CCDC74A: variants seen among roughly 807,000 people sequenced by gnomAD.
The protein encoded by CCDC74A is coiled-coil domain-containing protein 74A.
Under a neutral mutation model 37.6 loss-of-function variants are expected in CCDC74A, and 38 were observed. The observed-to-expected ratio is 1.01, with a 90% confidence interval of 0.78 to 1.33. The LOEUF is 1.33. CCDC74A is among the 40% of genes most tolerant of loss of function. CCDC74A has a pLI of 0.00. For missense variants in CCDC74A, 340 were observed against 403.4 expected, an observed-to-expected ratio of 0.84 and a Z score of 1.35; for synonymous variants, 134 against 165.2, an observed-to-expected ratio of 0.81 and a Z score of 1.45.
At chr2:131,527,271 A>G (rs190673281), upstream of CCDC74A, among the ~76,000 whole-genome samples, 166 of 150,714 alleles carry the variant, frequency 1.1e-3, no homozygotes, top group Admixed American at 4.4e-3. Flanking sequence ...CACCGCGCCC[A>G]GCCTCTTATT....
chr2:131,522,862 G>T (rs1680169225), upstream of CCDC74A, among the ~76,000 whole-genome samples: 1 of 152,124 alleles, frequency 6.6e-6, no homozygotes, highest in Non-Finnish European at 1.5e-5. Flanking sequence ...ATCCCCTAAA[G>T]GCCAGCTCTC....
chr2:131,530,708 C>G, intron 2 of CCDC74A, 69 bp from the exon 3 acceptor site: 2 of 1,613,348 alleles, frequency 1.2e-6, no homozygotes, highest in South Asian at 1.1e-5. Flanking sequence ...TCCTCACGGA[C>G]ACACAGGCCA....
chr2:131,532,244 T>A lies in CCDC74A; in HGVS notation c.486-345T>A, dbSNP rs1180125485. 2.4e-5 allele frequency among the ~76,000 whole-genome samples: 3 copies of A among 125,238 alleles called. No individual in the cohort carries two copies. The East Asian group carries it at 6.3e-4, about 26-fold the overall frequency. The allele number at this position is 125,238 out of a possible 152,430, so 82.2% of individuals were successfully genotyped here. On this transcript the variant is annotated intron_variant, in intron 4 of 7. Coordinates refer to ENST00000409856, the MANE Select transcript of CCDC74A (RefSeq NM_001258306.3). ...CTGAGATGCTACAGAGTGCACACTTTCAGCAGCGCAACCAGCAGGACAGGC... is the reference window on the plus strand; with the variant it reads ...CTGAGATGCTACAGAGTGCACACTTACAGCAGCGCAACCAGCAGGACAGGC...
intron 2 of CCDC74A, 191 bp downstream of exon 2, chr2:131,529,882 C>A: frequency 4.0e-6 from 6 of 1,495,492 alleles, no homozygotes; most frequent in Non-Finnish European, 5.4e-6. Context: ...AAGCACAGCA[C>A]GTGCTGCTCT....
chr2:131,528,204 G>A lies in CCDC74A; in HGVS notation c.234G>A (p.Leu78=). ...AGCTCCATGAGGAGATCGAGCATCT[G>A]AAGCGGGAAAACAAGGGTGAGCCGG... The part of the protein sequence containing the change: ...LAKLHEEIEH[L]KRENKDLHYK... The change falls in exon 1 of 8, where the codon CTG becomes CTA. Residue 78 remains leucine, a synonymous_variant. Coordinates refer to ENST00000409856, the MANE Select transcript of CCDC74A (RefSeq NM_001258306.3). 1 of 1,612,858 alleles carries A rather than the reference G, an allele frequency of 6.2e-7. No individual in the cohort carries two copies. Among genetic ancestry groups the A allele is most frequent in the Non-Finnish European group, 8.5e-7 (1 of 1,179,562 alleles).
rs900000089 is a variant in CCDC74A at position 131,529,632 on chromosome 2, T to C, written c.251-15T>C. The C allele has an allele frequency of 9.9e-6, 16 of 1,613,866 alleles. No homozygotes were observed. Among genetic ancestry groups the C allele is most frequent in the African/African-American group, 1.3e-5 (1 of 74,922 alleles). On this transcript the variant is annotated splice_polypyrimidine_tract_variant and intron_variant, in intron 1 of 7. Coordinates refer to ENST00000409856, the MANE Select transcript of CCDC74A (RefSeq NM_001258306.3). ...GGTTTCACAAGTGCTGAGGAGAGCG[T>C]GTGCTTGCTTTCAGATCTCCATTAC...
upstream of CCDC74A, among the ~76,000 whole-genome samples, chr2:131,523,583 C>T (rs1325109190): frequency 4.6e-5 from 7 of 152,140 alleles, no homozygotes; most frequent in South Asian, 4.1e-4. Flanking sequence ...GCCGAGATCG[C>T]ACCACTGTAC....
Position 131,533,440 on chromosome 2 carries a change from C to T in CCDC74A, c.*42C>T, listed in dbSNP as rs367780731. Reference sequence around the variant, plus strand: ...CAGTGCCAGGCCCACCAACCTGCAGCTGGAGACTGGCTCTCTATAGCATTT... The same window carrying T: ...CAGTGCCAGGCCCACCAACCTGCAGTTGGAGACTGGCTCTCTATAGCATTT... On this transcript the variant is annotated 3_prime_UTR_variant, in exon 8 of 8. Coordinates refer to ENST00000409856, the MANE Select transcript of CCDC74A (RefSeq NM_001258306.3). The T allele has an allele frequency of 1.8e-5, 29 of 1,608,576 alleles. 1 individual carries two copies. The highest frequency in any genetic ancestry group is 2.3e-5 in the Non-Finnish European group (27 of 1,176,894).
At chr2:131,529,312 GATC>G in intron 1 of CCDC74A, 2 of 531,804 alleles carry the variant, frequency 3.8e-6, no homozygotes, top group Non-Finnish European at 6.8e-6. Flanking sequence ...ATCCCCACGG[GATC>G]ATGACACTGC....
chr2:131,528,654 C>A, intron 1 of CCDC74A: 1 of 557,986 alleles, frequency 1.8e-6, no homozygotes, highest in South Asian at 1.7e-5. Flanking sequence ...ACTAAAAATA[C>A]AAAACAATTA....
In CCDC74A at chr2:131,533,550, G is replaced by T. The variant is rs1033201489; in HGVS notation, c.*152G>T. The T allele has an allele frequency of 9.3e-7, 1 of 1,079,024 alleles. No individual in the cohort carries two copies. The allele number at this position is 1,079,024 out of a possible 1,614,324, so 66.8% of individuals were successfully genotyped here. A position where few individuals can be genotyped will look rare whatever the true frequency, so the allele number is the denominator to read the frequency against. Reference sequence around the variant, plus strand: ...AGATAAAGTACTTGATCTCCAAACTGACAAACTGTTTATTTTCTAGCTGTT... The same window carrying T: ...AGATAAAGTACTTGATCTCCAAACTTACAAACTGTTTATTTTCTAGCTGTT... On this transcript the variant is annotated 3_prime_UTR_variant, in exon 8 of 8. Coordinates refer to ENST00000409856, the MANE Select transcript of CCDC74A (RefSeq NM_001258306.3).
chr2:131,532,348 G>A (rs1681492050), intron 4 of CCDC74A, among the ~76,000 whole-genome samples: 1 of 147,488 alleles, frequency 6.8e-6, no homozygotes, highest in African/African-American at 2.5e-5. Context: ...AGAGCAGCCT[G>A]GCAGCTAGCT....
chr2:131,529,520 G>A (rs1306557215), intron 1 of CCDC74A, 127 bp from the exon 2 acceptor site: 3 of 1,253,114 alleles, frequency 2.4e-6, no homozygotes, highest in South Asian at 1.2e-5. Context: ...CCATGGGGCA[G>A]GGCCCAATCA....
Position 131,531,341 on chromosome 2 carries a change from C to T in CCDC74A, c.347-323C>T, listed in dbSNP as rs1043646210. Among the ~76,000 whole-genome samples, 11 of 152,212 alleles carry T rather than the reference C, an allele frequency of 7.2e-5. 1 individual carries two copies. Among genetic ancestry groups the T allele is most frequent in the Admixed American group, 3.3e-4 (5 of 15,282 alleles). On this transcript the variant is annotated intron_variant, in intron 3 of 7. Transcript: ENST00000409856. ...TCCTGTGATGGGCCCAGGTGCTAGA[C>T]GGGCCTTGTCCTTGCCGAGGAAACC...
At chr2:131,528,250 C>G in intron 1 of CCDC74A, 30 bp downstream of exon 1, 2 of 1,608,472 alleles carry the variant, frequency 1.2e-6, no homozygotes, top group Non-Finnish European at 1.7e-6. Context: ...TAGGCCGGCC[C>G]TGCCTCCCCA....
upstream of CCDC74A, among the ~76,000 whole-genome samples, chr2:131,527,181 C>T (rs2104774577): frequency 6.6e-6 from 1 of 152,178 alleles, no homozygotes; most frequent in South Asian, 2.1e-4. Flanking sequence ...GCGATCTTGG[C>T]TCACTGCAAC....
Position 131,528,239 on chromosome 2 carries a change from C to G in CCDC74A, c.250+19C>G. 6.2e-7 allele frequency: 1 copy of G among 1,609,872 alleles called. No homozygotes were observed. Among genetic ancestry groups the G allele is most frequent in the Non-Finnish European group, 8.5e-7 (1 of 1,178,456 alleles). Reference sequence around the variant, plus strand: ...AACAAGGGTGAGCCGGCGCGGGGCCCTAGGCCGGCCCTGCCTCCCCAGGCA... The same window carrying G: ...AACAAGGGTGAGCCGGCGCGGGGCCGTAGGCCGGCCCTGCCTCCCCAGGCA... On this transcript the variant is annotated intron_variant, in intron 1 of 7. Coordinates refer to ENST00000409856, the MANE Select transcript of CCDC74A (RefSeq NM_001258306.3).
chr2:131,525,604 G>A (rs1210434192), upstream of CCDC74A, among the ~76,000 whole-genome samples: 9 of 152,084 alleles, frequency 5.9e-5, no homozygotes, highest in Admixed American at 5.2e-4. Context: ...ATGGAGTGCA[G>A]TGGCAGGATC....
chr2:131,527,562 C>T (rs1372252886), upstream of CCDC74A: 2 of 186,930 alleles, frequency 1.1e-5, no homozygotes, highest in East Asian at 3.1e-4. Context: ...GCGGTGCGAT[C>T]TCGACTCACT....
Sources: gnomAD v4.1 joint callset for allele counts (sites outside exome capture counted in the v4.1 genomes callset) on GRCh38, gnomAD v4.1.1 for gene constraint, MANE v1.5 for transcripts, NCBI Gene and HGNC (gene_info 2026-07-23, HGNC 2026-07-21) for gene names.